Variants in CACNA1A observed in about 807,000 individuals in gnomAD.
CACNA1A encodes voltage-dependent P/Q-type calcium channel subunit alpha-1A.
In CACNA1A, 57 loss-of-function variants were observed where a neutral mutation model predicts 262.4. That is an observed-to-expected ratio of 0.22 (90% CI 0.18 to 0.27). The LOEUF is 0.27. Ranked by LOEUF, CACNA1A falls within the 10% of genes least tolerant of loss-of-function variation. The pLI, the probability that CACNA1A is intolerant of heterozygous loss-of-function variation, is 1.00. For synonymous variants in CACNA1A, 1,431 were observed against 1,419.3 expected (o/e 1.01, Z -0.18); for missense variants, 2,526 against 3,562.8 (o/e 0.71, Z 7.41).
At chr19:13,446,610 C>CTTT (rs528828997) in intron 3 of CACNA1A, among the ~76,000 whole-genome samples, 14 of 120,010 alleles carry the variant, frequency 1.2e-4, no homozygotes, top group African/African-American at 3.4e-4. Flanking sequence ...CCATGCCAGG[C>CTTT]TTTTTTTTTT....
rs1162435642 is a variant in CACNA1A, at chr19:13,334,484, G to A, written c.1092C>T (p.Ala364=). The part of the protein sequence containing the change: ...LVLGVLSGEF[A]KERERVENRR... ...GGTTCTCCACCCGTTCCCTTTCTTT[G>A]GCAAACTCCCTGGAGAAGCATAGAA... The change falls in exon 8 of 47, where the codon GCC becomes GCT. Residue 364 remains alanine, a synonymous_variant. Transcript: ENST00000360228. 7 of 1,601,402 alleles carry A rather than the reference G, an allele frequency of 4.4e-6. No individual in the cohort carries two copies. The highest frequency in any genetic ancestry group is 6.0e-6 in the Non-Finnish European group (7 of 1,168,796).
At chr19:13,263,150 C>T in intron 24 of CACNA1A, 1 of 290,932 alleles carries the variant, frequency 3.4e-6, no homozygotes, top group Non-Finnish European at 6.6e-6. Context: ...TGATTCCCCA[C>T]CCCCATTTCT....
chr19:13,429,375 A>C (rs2060464057), intron 3 of CACNA1A, among the ~76,000 whole-genome samples: 1 of 149,504 alleles, frequency 6.7e-6, no homozygotes, highest in Non-Finnish European at 1.5e-5. Flanking sequence ...GCTTCCTAAA[A>C]CAAGAGGTAT....
At chr19:13,439,549 G>A (rs540214024) in intron 3 of CACNA1A, among the ~76,000 whole-genome samples, 2 of 150,518 alleles carry the variant, frequency 1.3e-5, no homozygotes, top group Admixed American at 6.6e-5. Flanking sequence ...ACAGGTGACC[G>A]CCATCATGCC....
At chr19:13,386,686 G>A (rs1420463019) in intron 3 of CACNA1A, among the ~76,000 whole-genome samples, 1 of 151,904 alleles carries the variant, frequency 6.6e-6, no homozygotes, top group Admixed American at 6.6e-5. Flanking sequence ...CCAGCTACTC[G>A]GGAGGCTGAG....
intron 38 of CACNA1A, 78 bp downstream of exon 38, chr19:13,224,589 T>C (rs2055365263): frequency 2.2e-6 from 2 of 915,610 alleles, no homozygotes; most frequent in Non-Finnish European, 3.5e-6. Flanking sequence ...CAGCAGATCC[T>C]CTAGTTTGGG....
chr19:13,470,246 G>A (rs888552756), intron 1 of CACNA1A, among the ~76,000 whole-genome samples: 7 of 151,964 alleles, frequency 4.6e-5, no homozygotes, highest in South Asian at 2.1e-4. Context: ...TTGCCTTCAC[G>A]TGTTCCTGCC....
chr19:13,376,544 TATATATA>T (rs886918268), intron 3 of CACNA1A, among the ~76,000 whole-genome samples: 6 of 149,338 alleles, frequency 4.0e-5, no homozygotes, highest in African/African-American at 1.2e-4. Flanking sequence ...GAAAAAAATA[TATATATA>T]ATATATAACA....
intron 1 of CACNA1A, among the ~76,000 whole-genome samples, chr19:13,493,723 C>A (rs932348031): frequency 1.3e-5 from 2 of 152,210 alleles, no homozygotes; most frequent in Non-Finnish European, 2.9e-5. Context: ...CTATCAGAAC[C>A]TTGGACAGAG....
At chr19:13,357,248 T>C (rs1468454739) in intron 6 of CACNA1A, among the ~76,000 whole-genome samples, 1 of 152,152 alleles carries the variant, frequency 6.6e-6, no homozygotes, top group African/African-American at 2.4e-5. Flanking sequence ...AATCCGACCT[T>C]AGTGATGACC....
chr19:13,365,670 GT>G (rs34216609), intron 4 of CACNA1A: 309 of 459,512 alleles, frequency 6.7e-4, no homozygotes, highest in South Asian at 1.4e-3. Flanking sequence ...CACTTCCTAG[GT>G]TTTTTTTTTC....
intron 24 of CACNA1A, chr19:13,271,756 C>T (rs989347010): frequency 7.4e-6 from 1 of 136,010 alleles, no homozygotes; most frequent in African/African-American, 2.9e-5. Flanking sequence ...GGGACAGTCA[C>T]CTCCTCAGCA....
At chr19:13,251,306 A>G (rs1165024152) in intron 30 of CACNA1A, among the ~76,000 whole-genome samples, 1 of 151,792 alleles carries the variant, frequency 6.6e-6, no homozygotes, top group Non-Finnish European at 1.5e-5. Context: ...ACATGGTGAA[A>G]CCCCATCTCT....
At chr19:13,324,532 A>G (rs2058315177) in intron 10 of CACNA1A, among the ~76,000 whole-genome samples, 1 of 152,206 alleles carries the variant, frequency 6.6e-6, no homozygotes, top group Non-Finnish European at 1.5e-5. Context: ...TACATAGATT[A>G]AAACATCACA....
chr19:13,350,604 C>T (rs1269717470), intron 6 of CACNA1A, among the ~76,000 whole-genome samples: 1 of 152,122 alleles, frequency 6.6e-6, no homozygotes, highest in African/African-American at 2.4e-5. Flanking sequence ...GTCTTTTAAG[C>T]TTAATACTCC....
intron 3 of CACNA1A, among the ~76,000 whole-genome samples, chr19:13,406,822 T>C (rs1410367974): frequency 2.0e-5 from 3 of 151,772 alleles, no homozygotes; most frequent in Non-Finnish European, 4.4e-5. Context: ...CTTCCATGGC[T>C]CCCTTGTGCC....
intron 4 of CACNA1A, among the ~76,000 whole-genome samples, chr19:13,370,162 G>A (rs1486577449): frequency 9.2e-5 from 14 of 151,678 alleles, no homozygotes; most frequent in African/African-American, 2.7e-4. Flanking sequence ...GTGCAGTGGC[G>A]TGATTTCAGC....
At chr19:13,381,254 G>A (rs374763958) in intron 3 of CACNA1A, among the ~76,000 whole-genome samples, 8 of 151,748 alleles carry the variant, frequency 5.3e-5, no homozygotes, top group East Asian at 3.9e-4. Flanking sequence ...AAAAATGGGC[G>A]GGGCATTGTG....
At chr19:13,395,884 C>G (rs995049206) in intron 3 of CACNA1A, among the ~76,000 whole-genome samples, 3 of 152,090 alleles carry the variant, frequency 2.0e-5, no homozygotes, top group South Asian at 2.1e-4. Context: ...AATGCATGCT[C>G]AGAGAGACCA....
Sources: gnomAD v4.1 joint callset for allele counts (sites outside exome capture counted in the v4.1 genomes callset) on GRCh38, gnomAD v4.1.1 for gene constraint, MANE v1.5 for transcripts, NCBI Gene and HGNC (gene_info 2026-07-23, HGNC 2026-07-21) for gene names.